The following TUBGCP2 variants were observed in gnomAD, a reference collection of about 807,000 sequenced individuals.
TUBGCP2 encodes the protein gamma-tubulin complex component 2.
A neutral mutation model predicts 92.2 loss-of-function variants in TUBGCP2; 55 were observed. That is an observed-to-expected ratio of 0.60 (90% confidence interval 0.48 to 0.75). TUBGCP2 has a LOEUF of 0.75. Ranked by LOEUF, TUBGCP2 falls within the 30% of genes least tolerant of loss-of-function variation. The probability of loss-of-function intolerance (pLI) is 0.00; values close to 1 mark genes in which losing one functional copy is unlikely to be tolerated. For missense variants in TUBGCP2, 1,093 were observed against 1,188.9 expected, an observed-to-expected ratio of 0.92 and a Z score of 1.19; for synonymous variants, 533 against 505.2, an observed-to-expected ratio of 1.06 and a Z score of -0.74.
chr10:133,279,706 G>T lies in TUBGCP2; in HGVS notation c.*60C>A. 1 of 1,483,806 alleles carries T rather than the reference G, an allele frequency of 6.7e-7. No homozygotes were observed. The highest frequency in any genetic ancestry group is 9.0e-7 in the Non-Finnish European group (1 of 1,116,006). 91.9% of individuals were successfully genotyped at this position (1,483,806 alleles called of 1,614,324 possible). On this transcript the variant is annotated 3_prime_UTR_variant, in exon 18 of 18. Coordinates refer to ENST00000252936, the MANE Select transcript of TUBGCP2 (RefSeq NM_006659.4). Reference sequence around the variant, plus strand: ...ACAGAGCATTCGATTTGAAAATTCTGGACCCATTTGCACCAGTCCCTGCTG... The same window carrying T: ...ACAGAGCATTCGATTTGAAAATTCTTGACCCATTTGCACCAGTCCCTGCTG...
At chr10:133,307,297 C>A (rs1032686599) in intron 1 of TUBGCP2, among the ~76,000 whole-genome samples, 14 of 152,194 alleles carry the variant, frequency 9.2e-5, no homozygotes, top group African/African-American at 2.4e-4. Context: ...CGCAGGGACG[C>A]GTGCTGAGGG....
chr10:133,294,253 G>C (rs991024246), intron 5 of TUBGCP2, among the ~76,000 whole-genome samples: 1 of 152,236 alleles, frequency 6.6e-6, no homozygotes, highest in African/African-American at 2.4e-5. Context: ...TCACGAGGAC[G>C]GCCACGGGCC....
intron 5 of TUBGCP2, among the ~76,000 whole-genome samples, chr10:133,294,755 A>G (rs1004445685): frequency 3.3e-5 from 5 of 152,130 alleles, no homozygotes; most frequent in African/African-American, 1.2e-4. Flanking sequence ...AGCTGGGACC[A>G]CTGGCACGTG....
At chr10:133,306,964 C>A (rs1210211007) in intron 1 of TUBGCP2, among the ~76,000 whole-genome samples, 1 of 152,058 alleles carries the variant, frequency 6.6e-6, no homozygotes, top group Admixed American at 6.5e-5. Flanking sequence ...CAGAGTCCCT[C>A]CCCCCAGAAG....
rs747341589 is a variant in TUBGCP2, at chr10:133,281,263, G to A, written c.2573+10C>T. On this transcript the variant is annotated intron_variant, in intron 17 of 17. Coordinates refer to ENST00000252936, the MANE Select transcript of TUBGCP2 (RefSeq NM_006659.4). ...TGAGGAAGGGCTGAGCCGGGGTGGC[G>A]CCCACCCACCTGGAGATGACGCTGG... 54 of 1,608,268 alleles carry A rather than the reference G, an allele frequency of 3.4e-5. No homozygotes were observed. Among genetic ancestry groups the A allele is most frequent in the Middle Eastern group, 2.2e-4 (1 of 4,630 alleles).
chr10:133,303,359 G>A (rs540461526), intron 1 of TUBGCP2, among the ~76,000 whole-genome samples: 1 of 152,346 alleles, frequency 6.6e-6, no homozygotes, highest in African/African-American at 2.4e-5. Context: ...CCTGCCTCCA[G>A]CTTCCAGGCG....
chr10:133,296,508 C>T (rs895603005), intron 5 of TUBGCP2, among the ~76,000 whole-genome samples: 5 of 151,608 alleles, frequency 3.3e-5, no homozygotes, highest in Non-Finnish European at 7.4e-5. Flanking sequence ...AACAGGGTCT[C>T]GCTCTGTTGC....
chr10:133,285,969 A>T lies in TUBGCP2; in HGVS notation c.1723-341T>A, dbSNP rs1011426423. On this transcript the variant is annotated intron_variant, in intron 11 of 17. Coordinates refer to ENST00000252936, the MANE Select transcript of TUBGCP2 (RefSeq NM_006659.4). This position sits in a 1 kb window ranked among gnomAD's most constrained non-coding sequence, Gnocchi z 6.8. ...TTGTACCATGATAAGCACCAGGCCCAGGTTGAAAAATGAAGCATATTTGAC... is the reference window on the plus strand; with the variant it reads ...TTGTACCATGATAAGCACCAGGCCCTGGTTGAAAAATGAAGCATATTTGAC... Among the ~76,000 whole-genome samples, 5 of 152,184 alleles carry T rather than the reference A, an allele frequency of 3.3e-5. No individual in the cohort carries two copies. The highest frequency in any genetic ancestry group is 1.2e-4 in the African/African-American group (5 of 41,454).
upstream of TUBGCP2, chr10:133,312,328 G>A (rs916717404): frequency 8.6e-7 from 1 of 1,168,814 alleles, no homozygotes; most frequent in Non-Finnish European, 1.1e-6. Context: ...TCTAGTTAAA[G>A]TTGATTTTAA....
chr10:133,309,728 G>C, upstream of TUBGCP2: 1 of 1,598,828 alleles, frequency 6.3e-7, no homozygotes, highest in African/African-American at 1.3e-5. Context: ...AGTCCAGCTT[G>C]GTTCCTCGCA....
chr10:133,292,750 ACAC>A (rs1847389330), intron 7 of TUBGCP2, 62 bp from the exon 8 acceptor site: 2 of 1,543,838 alleles, frequency 1.3e-6, no homozygotes, highest in Admixed American at 3.8e-5. Flanking sequence ...TCTGCCAACA[ACAC>A]TGCTGGGGCC....
At chr10:133,291,031 C>T (rs1847273598) in intron 8 of TUBGCP2, 1 of 201,984 alleles carries the variant, frequency 5.0e-6, no homozygotes, top group Non-Finnish European at 1.0e-5. Flanking sequence ...ACAGACCCCA[C>T]CAGATCAGGA....
At chr10:133,308,910 G>A (rs865926353), upstream of TUBGCP2, 1,186 of 1,209,722 alleles carry the variant, frequency 9.8e-4, 8 homozygotes, top group African/African-American at 0.017. Context: ...CGCGGACGGT[G>A]GCCGACAGGC....
chr10:133,307,947 A>C (rs576970324), intron 1 of TUBGCP2, among the ~76,000 whole-genome samples: 5 of 152,304 alleles, frequency 3.3e-5, no homozygotes, highest in African/African-American at 1.2e-4. Context: ...GTGTATCTAA[A>C]CATGGAAAAA....
At chr10:133,302,360 CCCG>C (rs1847684155) in intron 2 of TUBGCP2, 1 of 187,080 alleles carries the variant, frequency 5.3e-6, no homozygotes, top group African/African-American at 3.3e-5. Context: ...CACCCTGCAC[CCCG>C]CACAGCCCTG....
At chr10:133,307,724 G>A (rs1370408841) in intron 1 of TUBGCP2, among the ~76,000 whole-genome samples, 1 of 152,184 alleles carries the variant, frequency 6.6e-6, no homozygotes, top group African/African-American at 2.4e-5. Flanking sequence ...CAGCCTGAGC[G>A]ACAGAGAGAG....
chr10:133,279,515 A>T lies in TUBGCP2; in HGVS notation c.*251T>A, dbSNP rs1023872417. ...GTATTTCCACTTTGAGGCCAAAAAC[A>T]CCCAAAAAGGTGATAGTGTAATTTC... On this transcript the variant is annotated 3_prime_UTR_variant, in exon 18 of 18. Coordinates refer to ENST00000252936, the MANE Select transcript of TUBGCP2 (RefSeq NM_006659.4). The T allele has an allele frequency of 3.7e-6, 2 of 539,076 alleles. No individual in the cohort carries two copies. Among genetic ancestry groups the T allele is most frequent in the African/African-American group, 4.0e-5 (2 of 49,858 alleles). 33.4% of individuals were successfully genotyped at this position (539,076 alleles called of 1,614,324 possible). A position where few individuals can be genotyped will look rare whatever the true frequency, so the allele number is the denominator to read the frequency against.
In TUBGCP2 at chr10:133,300,373, C is replaced by T. The variant is rs529715917; in HGVS notation, c.151-260G>A. The stretch of plus-strand genomic sequence containing the variant: ...GGTAGACTGCTTGAGTCCAGGAGTT[C>T]AAGACCAGCCTGGCCAAAATAACAA... On this transcript the variant is annotated intron_variant, in intron 2 of 17. Transcript: ENST00000252936. 8.3e-5 allele frequency: 27 copies of T among 326,214 alleles called. No homozygotes were observed. In the East Asian group the frequency reaches 1.5e-3, roughly 18 times the overall value. 20.2% of individuals were successfully genotyped at this position (326,214 alleles called of 1,614,324 possible).
Position 133,283,151 on chromosome 10 carries a change from A to G in TUBGCP2, c.2216T>C (p.Leu739Pro). The G allele has an allele frequency of 6.2e-7, 1 of 1,614,228 alleles. No individual in the cohort carries two copies. The highest frequency in any genetic ancestry group is 1.6e-4 in the Middle Eastern group (1 of 6,062). ...GACCTTCAGCAGCTCGGGGTTGGTGAGCATGCAGTCCTTCAGGCAGGTGTC... is the reference window on the plus strand; with the variant it reads ...GACCTTCAGCAGCTCGGGGTTGGTGGGCATGCAGTCCTTCAGGCAGGTGTC... ...FLDTCLKDCM[L>P]TNPELLKVFS... The change falls in exon 15 of 18, where the codon CTC becomes CCC. Residue 739 changes from leucine to proline, a missense_variant. Coordinates refer to ENST00000252936, the MANE Select transcript of TUBGCP2 (RefSeq NM_006659.4).
Sources: gnomAD v4.1 joint callset for allele counts (sites outside exome capture counted in the v4.1 genomes callset) on GRCh38, gnomAD v4.1.1 for gene constraint, Gnocchi (gnomAD v3.1) non-coding constraint, MANE v1.5 for transcripts, NCBI Gene and HGNC (gene_info 2026-07-23, HGNC 2026-07-21) for gene names.